Variants in LOC128125817 observed in about 807,000 individuals in gnomAD.
the LOC128125817 span, among the ~76,000 whole-genome samples, chr1:41,612,295 CCT>C: frequency 2.6e-5 from 4 of 152,202 alleles, no homozygotes; most frequent in East Asian, 1.9e-4. Context: ...TGTTTACACC[CCT>C]GTTTCAGATG....
chr1:41,618,012 C>T, the LOC128125817 span, among the ~76,000 whole-genome samples: 1 of 152,230 alleles, frequency 6.6e-6, no homozygotes, highest in African/African-American at 2.4e-5. Context: ...ATTTCCCCAG[C>T]TCTCTCTGCC....
At chr1:41,586,951 G>A in the LOC128125817 span, among the ~76,000 whole-genome samples, 1,922 of 152,170 alleles carry the variant, frequency 0.013, 54 homozygotes, top group African/African-American at 0.043. Context: ...AAAAAGTCAG[G>A]ATTGGTGGGA....
chr1:41,591,885 G>C, the LOC128125817 span, among the ~76,000 whole-genome samples: 2 of 152,072 alleles, frequency 1.3e-5, no homozygotes, highest in Admixed American at 6.6e-5. Context: ...AGGCATGACC[G>C]ACCCAACGAG....
the LOC128125817 span, among the ~76,000 whole-genome samples, chr1:41,597,091 A>T: frequency 0.012 from 1,767 of 151,748 alleles, 35 homozygotes; most frequent in African/African-American, 0.041. Flanking sequence ...CTCCCTCCCA[A>T]CTCCAAGACC....
At chr1:41,591,542 T>C in the LOC128125817 span, among the ~76,000 whole-genome samples, 1 of 151,972 alleles carries the variant, frequency 6.6e-6, no homozygotes, top group African/African-American at 2.4e-5. Context: ...GAACTGATAA[T>C]CATGGATGAA....
chr1:41,620,044 G>A, the LOC128125817 span, among the ~76,000 whole-genome samples: 1 of 152,110 alleles, frequency 6.6e-6, no homozygotes, highest in Non-Finnish European at 1.5e-5. Flanking sequence ...TTGAATATCT[G>A]TTGAATGAAT....
the LOC128125817 span, among the ~76,000 whole-genome samples, chr1:41,603,642 G>A: frequency 1.1e-4 from 16 of 152,204 alleles, no homozygotes; most frequent in Non-Finnish European, 2.2e-4. Context: ...TTACAGGTGT[G>A]AGCCACTGTG....
chr1:41,586,987 A>C, the LOC128125817 span, among the ~76,000 whole-genome samples: 1 of 152,138 alleles, frequency 6.6e-6, no homozygotes, highest in African/African-American at 2.4e-5. Flanking sequence ...TATACCAATA[A>C]TAAGGACTTA....
At chr1:41,594,545 T>C in the LOC128125817 span, among the ~76,000 whole-genome samples, 1 of 152,316 alleles carries the variant, frequency 6.6e-6, no homozygotes, top group Non-Finnish European at 1.5e-5. Flanking sequence ...TTAAAACCTG[T>C]TTCTTGATCT....
the LOC128125817 span, among the ~76,000 whole-genome samples, chr1:41,594,482 G>A: frequency 4.6e-5 from 7 of 152,054 alleles, no homozygotes; most frequent in African/African-American, 1.4e-4. Context: ...TCAGCCTCCC[G>A]AAGTGCTGGG....
At chr1:41,585,781 G>C in the LOC128125817 span, among the ~76,000 whole-genome samples, 1 of 152,208 alleles carries the variant, frequency 6.6e-6, no homozygotes, top group Non-Finnish European at 1.5e-5. Context: ...TGACATTGGA[G>C]ATGCAGATGC....
At chr1:41,588,209 G>C in the LOC128125817 span, among the ~76,000 whole-genome samples, 1 of 152,178 alleles carries the variant, frequency 6.6e-6, no homozygotes, top group Admixed American at 6.5e-5. Context: ...CACTGTGATG[G>C]AGAGGCCTTT....
At chr1:41,598,146 C>T in the LOC128125817 span, among the ~76,000 whole-genome samples, 10 of 152,174 alleles carry the variant, frequency 6.6e-5, no homozygotes, top group Admixed American at 1.3e-4. Context: ...ATGAGAGTTG[C>T]GCAGGCCCAG....
At chr1:41,624,836 A>G in the LOC128125817 span, among the ~76,000 whole-genome samples, 1 of 152,188 alleles carries the variant, frequency 6.6e-6, no homozygotes, top group Admixed American at 6.5e-5. Flanking sequence ...GCTGTTAACA[A>G]TCTGTCACCA....
the LOC128125817 span, among the ~76,000 whole-genome samples, chr1:41,604,823 C>G: frequency 0.34 from 51,091 of 151,942 alleles, 11,437 homozygotes; most frequent in African/African-American, 0.6. Context: ...AATAGGATAG[C>G]CCAGGCACAG....
the LOC128125817 span, among the ~76,000 whole-genome samples, chr1:41,615,355 A>G: frequency 1.1e-4 from 17 of 152,208 alleles, no homozygotes; most frequent in African/African-American, 3.9e-4. Context: ...CTTGGGATGC[A>G]CTGGGGCTGC....
At chr1:41,585,333 T>TAC in the LOC128125817 span, 30 of 398,830 alleles carry the variant, frequency 7.5e-5, no homozygotes, top group African/African-American at 2.3e-4. Flanking sequence ...GTGATAGATG[T>TAC]ACACACACAC....
At chr1:41,606,935 C>T in the LOC128125817 span, among the ~76,000 whole-genome samples, 16 of 151,832 alleles carry the variant, frequency 1.1e-4, no homozygotes, top group Non-Finnish European at 4.4e-5. Context: ...TAATTCCTGC[C>T]CTAAAGTCAG....
chr1:41,595,107 T>C, the LOC128125817 span, among the ~76,000 whole-genome samples: 1 of 152,238 alleles, frequency 6.6e-6, no homozygotes, highest in African/African-American at 2.4e-5. Flanking sequence ...TTTTTGCTAA[T>C]TCCCCATGTG....
Sources: allele counts gnomAD v4.1 joint callset (sites outside exome capture counted in the v4.1 genomes callset), GRCh38; gene constraint gnomAD v4.1.1; transcripts MANE v1.5.